GATA5: variants seen among roughly 807,000 people sequenced by gnomAD.
GATA5 encodes transcription factor GATA-5.
GATA5 carries 27 observed loss-of-function variants against 35.0 expected under a neutral mutation model. The ratio of observed to expected loss-of-function variants is 0.77; its 90% CI spans 0.57 to 1.06. The LOEUF (loss-of-function observed/expected upper bound fraction) is 1.06. GATA5 is among the 50% of genes least tolerant of loss of function. GATA5 has a pLI of 0.00. For synonymous variants in GATA5, 306 were observed against 267.8 expected (o/e 1.14, Z -1.39); for missense variants, 612 against 580.0 (o/e 1.06, Z -0.57).
chr20:62,475,168 G>C lies in GATA5; in HGVS notation c.354C>G (p.Gly118=). 3 of 1,290,916 alleles carry C rather than the reference G, an allele frequency of 2.3e-6. No individual in the cohort carries two copies. Among genetic ancestry groups the C allele is most frequent in the Non-Finnish European group, 3.0e-6 (3 of 1,015,460 alleles). The allele number at this position is 1,290,916 out of a possible 1,614,324, so 80.0% of individuals were successfully genotyped here. A position where few individuals can be genotyped will look rare whatever the true frequency, so the allele number is the denominator to read the frequency against. Residue 118 remains glycine (G), a synonymous_variant, in exon 2 of 7, where the codon GGC becomes GGG. Transcript: ENST00000252997. ...CGAACTGTTCTCGAGGCAACAGCGC[G>C]CCCTGGTAGGCACTGCCGTCTCGGC... ...AGGRDGSAYQ[G]ALLPREQFAA...
chr20:62,472,349 G>A (rs1989743295), intron 3 of GATA5, among the ~76,000 whole-genome samples: 2 of 152,172 alleles, frequency 1.3e-5, no homozygotes, highest in African/African-American at 4.8e-5. Flanking sequence ...CACAGCCCAG[G>A]GCCCCAGGAT....
At position 62,475,041 on chromosome 20, in the gene GATA5, C is replaced by T. The variant is rs1555896966; in HGVS notation, c.481G>A (p.Gly161Ser). Residue 161 changes from glycine (G) to serine (S), a missense_variant, in exon 2 of 7, where the codon GGC becomes AGC. By Grantham distance (56) the Gly-to-Ser change is moderately conservative. Coordinates refer to ENST00000252997, the MANE Select transcript of GATA5 (RefSeq NM_080473.5). ...AQSWTAGPFD[G>S]SVLHGLPGRR... ...CCTGGGAGGCCGTGCAGGACGCTGCCATCGAAGGGCCCGGCAGTCCAGGAC... is the reference window on the plus strand; with the variant it reads ...CCTGGGAGGCCGTGCAGGACGCTGCTATCGAAGGGCCCGGCAGTCCAGGAC... 1 of 1,404,412 alleles carries T rather than the reference C, an allele frequency of 7.1e-7. No individual in the cohort carries two copies. Among genetic ancestry groups the T allele is most frequent in the East Asian group, 3.1e-5 (1 of 32,776 alleles). The allele number at this position is 1,404,412 out of a possible 1,614,324, so 87.0% of individuals were successfully genotyped here. A position where few individuals can be genotyped will look rare whatever the true frequency, so the allele number is the denominator to read the frequency against.
rs547292393 is a variant in GATA5 at position 62,473,747 on chromosome 20, C to T, written c.524-169G>A. On this transcript the variant is annotated intron_variant, in intron 2 of 6. Coordinates refer to ENST00000252997, the MANE Select transcript of GATA5 (RefSeq NM_080473.5). ...TGTATTTTATTTTAAAATTTATTTG[C>T]TTACTTCATCTTATTTTTAAATTTT... Among the ~76,000 whole-genome samples the T allele has an allele frequency of 2.0e-5, 3 of 152,354 alleles. No individual in the cohort carries two copies. The East Asian group carries it at 5.8e-4, about 29-fold the overall frequency.
chr20:62,465,402 T>C lies in GATA5; in HGVS notation c.976A>G (p.Thr326Ala), dbSNP rs140927847. Reference protein sequence around the residue: ...AVASTDSSAATSKAKPSLASP... With the variant: ...AVASTDSSAAASKAKPSLASP... ...GCCAGGCTGGGCTTGGCTTTCGAAG[T>C]GGCTGCTGAGCTGTCAGTGCTGGCG... The change falls in exon 6 of 7, where the codon ACT becomes GCT. Residue 326 changes from threonine to alanine, a missense_variant. Physicochemically the swap from Thr to Ala is moderately conservative, Grantham distance 58 (BLOSUM62 0). Transcript: ENST00000252997. 142 of 1,607,474 alleles carry C rather than the reference T, an allele frequency of 8.8e-5. No individual in the cohort carries two copies. The highest frequency in any genetic ancestry group is 1.7e-4 in the Middle Eastern group (1 of 6,012).
rs376516182 is a variant in GATA5, at chr20:62,465,872, C to T, written c.875G>A (p.Arg292Gln). Residue 292 changes from arginine (R) to glutamine (Q), a missense_variant, in exon 5 of 7, where the codon CGG becomes CAG. Arg to Gln is a conservative substitution (Grantham distance 43, BLOSUM62 1). Transcript: ENST00000252997. Reference sequence around the variant, plus strand: ...GGCCTTGGCGATGGTCTTTGGCTTCCGCTTCCGTGTCTGGATGCTTTCCTT... The same window carrying T: ...GGCCTTGGCGATGGTCTTTGGCTTCTGCTTCCGTGTCTGGATGCTTTCCTT... Reference protein sequence around the residue: ...MKKESIQTRKRKPKTIAKARG... With the variant: ...MKKESIQTRKQKPKTIAKARG... 2.0e-5 allele frequency: 32 copies of T among 1,597,792 alleles called. No individual in the cohort carries two copies. The highest frequency in any genetic ancestry group is 5.4e-5 in the African/African-American group (4 of 74,678).
intron 2 of GATA5, 147 bp downstream of exon 2, chr20:62,474,852 C>T: frequency 1.7e-6 from 1 of 582,374 alleles, no homozygotes; most frequent in Non-Finnish European, 2.5e-6. Context: ...CCCAGGTTTA[C>T]TCGTCTCGCC....
At chr20:62,469,390 G>C (rs1989669089) in intron 3 of GATA5, among the ~76,000 whole-genome samples, 1 of 152,184 alleles carries the variant, frequency 6.6e-6, no homozygotes, top group African/African-American at 2.4e-5. Context: ...GGCATCCATG[G>C]CCCAAGGCCC....
rs555361236 is a variant in GATA5, at chr20:62,467,758, A to G, written c.700-1207T>C. Among the ~76,000 whole-genome samples the G allele has an allele frequency of 4.3e-4, 65 of 152,348 alleles. 3 individuals carry two copies. The South Asian group carries it at 0.012, about 28-fold the overall frequency. ...CCCCCACACTCAAAGCCATGCCCCCAGATTCTCTAGCCAGGACAGAGCCAG... is the reference window on the plus strand; with the variant it reads ...CCCCCACACTCAAAGCCATGCCCCCGGATTCTCTAGCCAGGACAGAGCCAG... On this transcript the variant is annotated intron_variant, in intron 3 of 6. Transcript: ENST00000252997.
At position 62,475,437 on chromosome 20, in the gene GATA5, C is replaced by T. The variant is rs782621711; in HGVS notation, c.85G>A (p.Gly29Ser). 2 of 1,358,204 alleles carry T rather than the reference C, an allele frequency of 1.5e-6. No homozygotes were observed. Among genetic ancestry groups the T allele is most frequent in the Non-Finnish European group, 1.9e-6 (2 of 1,057,388 alleles). The allele number at this position is 1,358,204 out of a possible 1,614,324, so 84.1% of individuals were successfully genotyped here. ...SGSFLHAPGA[G>S]SPMFVPPARV... Reference sequence around the variant, plus strand: ...GCCGGCGGCACAAACATCGGAGAGCCGGCGCCCGGAGCGTGCAGGAAGGAG... The same window carrying T: ...GCCGGCGGCACAAACATCGGAGAGCTGGCGCCCGGAGCGTGCAGGAAGGAG... The change falls in exon 2 of 7, where the codon GGC (glycine) becomes AGC (serine). Residue 29 changes from glycine to serine, a missense_variant. Gly to Ser is a moderately conservative substitution (Grantham distance 56). Coordinates refer to ENST00000252997, the MANE Select transcript of GATA5 (RefSeq NM_080473.5).
At chr20:62,468,757 T>C (rs1417167027) in intron 3 of GATA5, among the ~76,000 whole-genome samples, 2 of 152,194 alleles carry the variant, frequency 1.3e-5, no homozygotes, top group African/African-American at 4.8e-5. Flanking sequence ...GGGTCTCCAG[T>C]GGTCTCTCTA....
chr20:62,466,326 C>G, intron 4 of GATA5, 100 bp downstream of exon 4: 1 of 1,347,606 alleles, frequency 7.4e-7, no homozygotes, highest in Non-Finnish European at 1.0e-6. Context: ...AATAGCCATC[C>G]TGCCCGCTCC....
chr20:62,475,453 C>T lies in GATA5; in HGVS notation c.69G>A (p.Leu23=). ...QAAYADSGSF[L]HAPGAGSPMF... ...TCGGAGAGCCGGCGCCCGGAGCGTG[C>T]AGGAAGGAGCCCGAGTCGGCGTAGG... Residue 23 remains leucine (L), a synonymous_variant, in exon 2 of 7, where the codon CTG becomes CTA. Coordinates refer to ENST00000252997, the MANE Select transcript of GATA5 (RefSeq NM_080473.5). 5 of 1,342,318 alleles carry T rather than the reference C, an allele frequency of 3.7e-6. No individual in the cohort carries two copies. Among genetic ancestry groups the T allele is most frequent in the Non-Finnish European group, 4.8e-6 (5 of 1,051,796 alleles). 83.2% of individuals were successfully genotyped at this position (1,342,318 alleles called of 1,614,324 possible). A position where few individuals can be genotyped will look rare whatever the true frequency, so the allele number is the denominator to read the frequency against.
chr20:62,471,475 A>G (rs1331212715), intron 3 of GATA5, among the ~76,000 whole-genome samples: 1 of 66,570 alleles, frequency 1.5e-5, no homozygotes, highest in Non-Finnish European at 3.0e-5. Context: ...TCTGTTGCCC[A>G]GGCTGGAGTG....
chr20:62,474,243 C>T (rs966843123), intron 2 of GATA5, among the ~76,000 whole-genome samples: 1 of 152,192 alleles, frequency 6.6e-6, no homozygotes, highest in African/African-American at 2.4e-5. Context: ...CCTCCAGGCC[C>T]GGCCCGGCGC....
chr20:62,473,356 C>A, intron 3 of GATA5, 47 bp downstream of exon 3: 1 of 1,562,076 alleles, frequency 6.4e-7, no homozygotes, highest in Non-Finnish European at 8.7e-7. Context: ...GAGGTCCCCT[C>A]GGGGGAGCAC....
chr20:62,475,023 G>A lies in GATA5; in HGVS notation c.499C>T (p.Leu167Phe). The stretch of plus-strand genomic sequence containing the variant: ...CCGAAGGTGGGCCTGCGGCCTGGGA[G>A]GCCGTGCAGGACGCTGCCATCGAAG... The part of the protein sequence containing the change: ...GPFDGSVLHG[L>F]PGRRPTFVSD... Residue 167 changes from leucine (L) to phenylalanine (F), a missense_variant, in exon 2 of 7, where the codon CTC becomes TTC. Leu to Phe is a conservative substitution (Grantham distance 22, BLOSUM62 0). Coordinates refer to ENST00000252997, the MANE Select transcript of GATA5 (RefSeq NM_080473.5). 2 of 1,374,088 alleles carry A rather than the reference G, an allele frequency of 1.5e-6. No homozygotes were observed. Among genetic ancestry groups the A allele is most frequent in the Non-Finnish European group, 1.9e-6 (2 of 1,059,072 alleles). The allele number at this position is 1,374,088 out of a possible 1,614,324, so 85.1% of individuals were successfully genotyped here.
intron 3 of GATA5, among the ~76,000 whole-genome samples, chr20:62,471,967 A>T (rs1445938492): frequency 6.7e-6 from 1 of 150,280 alleles, no homozygotes; most frequent in Non-Finnish European, 1.5e-5. Context: ...GCTGGTCTCG[A>T]ACTCCTGAGC....
At chr20:62,469,752 A>G (rs1243178799) in intron 3 of GATA5, among the ~76,000 whole-genome samples, 1 of 152,226 alleles carries the variant, frequency 6.6e-6, no homozygotes, top group African/African-American at 2.4e-5. Context: ...ACACTTTTCA[A>G]AGTGCGTCTT....
Position 62,470,129 on chromosome 20 carries a change from G to A in GATA5, c.699+3274C>T, listed in dbSNP as rs1989687531. On this transcript the variant is annotated intron_variant, in intron 3 of 6. Transcript: ENST00000252997. The surrounding 1 kb of genome is among the most constrained non-coding windows in gnomAD (Gnocchi z 4.6). Reference sequence around the variant, plus strand: ...CTTGCGCGCAGCAGAGCCGCTCTAAGCACCAGGCTCTGTGTGCATCTGAGA... The same window carrying A: ...CTTGCGCGCAGCAGAGCCGCTCTAAACACCAGGCTCTGTGTGCATCTGAGA... Among the ~76,000 whole-genome samples the A allele has an allele frequency of 6.6e-6, 1 of 152,270 alleles. No homozygotes were observed. Among genetic ancestry groups the A allele is most frequent in the Admixed American group, 6.5e-5 (1 of 15,292 alleles).
Sources: allele counts gnomAD v4.1 joint callset (sites outside exome capture counted in the v4.1 genomes callset), GRCh38; gene constraint gnomAD v4.1.1; non-coding constraint Gnocchi (gnomAD v3.1); transcripts MANE v1.5; gene names NCBI Gene and HGNC (gene_info 2026-07-23, HGNC 2026-07-21).